The following CHD9 variants were observed in gnomAD, a reference collection of about 807,000 sequenced individuals.
CHD9 encodes the protein ATP-dependent chromatin remodeler CHD9.
In CHD9, 77 loss-of-function variants were observed where a neutral mutation model predicts 316.1. That is an observed-to-expected ratio of 0.24 (90% CI 0.20 to 0.29). The LOEUF (loss-of-function observed/expected upper bound fraction) is 0.29, where lower values mean the gene tolerates loss of function less well. CHD9 is among the 10% of genes least tolerant of loss of function. CHD9 has a pLI of 1.00. For missense variants in CHD9, 2,763 were observed against 3,438.1 expected, an observed-to-expected ratio of 0.80 and a Z score of 4.91; for synonymous variants, 1,129 against 1,158.3, an observed-to-expected ratio of 0.97 and a Z score of 0.51.
intron 2 of CHD9, among the ~76,000 whole-genome samples, chr16:53,171,992 A>G (rs1477802121): frequency 6.6e-6 from 1 of 152,006 alleles, no homozygotes; most frequent in African/African-American, 2.4e-5. Context: ...CTCTATAACC[A>G]TTTACCTATT....
intron 36 of CHD9, among the ~76,000 whole-genome samples, chr16:53,317,532 G>T (rs949270030): frequency 2.0e-5 from 3 of 152,032 alleles, no homozygotes; most frequent in Non-Finnish European, 4.4e-5. Flanking sequence ...TCACTTTGTT[G>T]CCCAGGCTGG....
intron 24 of CHD9, among the ~76,000 whole-genome samples, chr16:53,283,830 G>T (rs1017712666): frequency 6.6e-6 from 1 of 152,030 alleles, no homozygotes; most frequent in African/African-American, 2.4e-5. Context: ...TTCATTTCGA[G>T]TGCTGACAAA....
chr16:53,118,796 T>TC (rs1028484727), intron 1 of CHD9, among the ~76,000 whole-genome samples: 2 of 148,456 alleles, frequency 1.3e-5, no homozygotes, highest in African/African-American at 4.9e-5. Flanking sequence ...TAACTTTCTT[T>TC]TTTTTTTTTT....
In CHD9 at chr16:53,156,390, A is replaced by C. The variant is rs2041521410; in HGVS notation, c.301A>C (p.Asn101His). 1 of 1,613,992 alleles carries C rather than the reference A, an allele frequency of 6.2e-7. No individual in the cohort carries two copies. Among genetic ancestry groups the C allele is most frequent in the Non-Finnish European group, 8.5e-7 (1 of 1,179,880 alleles). Residue 101 changes from asparagine to histidine, a missense_variant, in exon 2 of 39, where the codon AAT becomes CAT. Around this residue, in one of 15 missense-constraint regions of CHD9, gnomAD observed 859 missense variants for 890.4 expected, o/e 0.96. Coordinates refer to ENST00000447540, the MANE Select transcript of CHD9 (RefSeq NM_001308319.2). Reference sequence around the variant, plus strand: ...TGTGTTATCTCCACACTCTCAGTTTAATTGTTCTCCAATCCATCCCCAAAA... The same window carrying C: ...TGTGTTATCTCCACACTCTCAGTTTCATTGTTCTCCAATCCATCCCCAAAA... ...EHVLSPHSQF[N>H]CSPIHPQNQP...
intron 2 of CHD9, among the ~76,000 whole-genome samples, chr16:53,183,150 C>A (rs1273953670): frequency 6.6e-6 from 1 of 152,122 alleles, no homozygotes. Context: ...AATAATGTAG[C>A]TGCGCAAAAA....
At position 53,291,752 on chromosome 16, in the gene CHD9, G is replaced by A. The variant is rs777108317; in HGVS notation, c.5275G>A (p.Val1759Ile). The A allele has an allele frequency of 5.8e-6, 9 of 1,562,052 alleles. No individual in the cohort carries two copies. In the South Asian group the frequency reaches 9.9e-5, roughly 17 times the overall value. Residue 1759 changes from valine (V) to isoleucine (I), a missense_variant, in exon 28 of 39, where the codon GTT (valine) becomes ATT (isoleucine). Coordinates refer to ENST00000447540, the MANE Select transcript of CHD9 (RefSeq NM_001308319.2). Reference protein sequence around the residue: ...EDDVSSPGDLVIADGDGQLME... With the variant: ...EDDVSSPGDLIIADGDGQLME... Reference sequence around the variant, plus strand: ...TGATGTTTCCTCACCAGGAGATCTTGTTATAGCAGATGGAGGTAAATTGCA... The same window carrying A: ...TGATGTTTCCTCACCAGGAGATCTTATTATAGCAGATGGAGGTAAATTGCA...
chr16:53,156,097 A>G lies in CHD9; in HGVS notation c.8A>G (p.Asp3Gly), dbSNP rs1218751574. Reference protein sequence around the residue: MTDPMMDFFDDAN... With the variant: MTGPMMDFFDDAN... ...TGTTACAGAATTTTCAAGATGACAG[A>G]TCCAATGATGGACTTTTTTGATGAT... The change falls in exon 2 of 39, where the codon GAT (aspartate) becomes GGT (glycine). Residue 3 changes from aspartate (D) to glycine (G), a missense_variant. By Grantham distance (94) the Asp-to-Gly change is moderately conservative. Coordinates refer to ENST00000447540, the MANE Select transcript of CHD9 (RefSeq NM_001308319.2). 1 of 1,611,786 alleles carries G rather than the reference A, an allele frequency of 6.2e-7. No homozygotes were observed. Among genetic ancestry groups the G allele is most frequent in the Non-Finnish European group, 8.5e-7 (1 of 1,178,654 alleles).
chr16:53,168,048 CTTTATTTA>C (rs557517155), intron 2 of CHD9, among the ~76,000 whole-genome samples: 17 of 151,314 alleles, frequency 1.1e-4, no homozygotes, highest in African/African-American at 3.9e-4. Context: ...ATAACATTTG[CTTTATTTA>C]TTTATTTATT....
rs562715652 is a variant in CHD9 at position 53,097,779 on chromosome 16, T to C, written c.-165+42702T>C. On this transcript the variant is annotated intron_variant, in intron 1 of 38. Coordinates refer to ENST00000447540, the MANE Select transcript of CHD9 (RefSeq NM_001308319.2). ...ATGAATCAATGAATACTAAATTGAATAGTTAATGAAAATTGACGATATTAT... is the reference window on the plus strand; with the variant it reads ...ATGAATCAATGAATACTAAATTGAACAGTTAATGAAAATTGACGATATTAT... 3.2e-4 allele frequency among the ~76,000 whole-genome samples: 48 copies of C among 152,350 alleles called. 1 individual carries two copies. The South Asian group carries it at 9.7e-3, about 31-fold the overall frequency.
intron 2 of CHD9, among the ~76,000 whole-genome samples, chr16:53,182,669 ACACTT>A (rs1411030845): frequency 3.3e-5 from 5 of 152,160 alleles, no homozygotes; most frequent in Admixed American, 3.3e-4. Flanking sequence ...TTTTAGAAAA[ACACTT>A]CACTAATCAG....
chr16:53,058,175 C>T (rs1596829200), intron 1 of CHD9, among the ~76,000 whole-genome samples: 1 of 152,150 alleles, frequency 6.6e-6, no homozygotes, highest in Admixed American at 6.5e-5. Flanking sequence ...GGCTGGAGTG[C>T]AGTGGCACGA....
chr16:53,069,672 T>C (rs577420820), intron 1 of CHD9, among the ~76,000 whole-genome samples: 1 of 152,368 alleles, frequency 6.6e-6, no homozygotes, highest in East Asian at 1.9e-4. Context: ...ACTTTTTGGC[T>C]ATTGTGAATA....
At chr16:53,154,570 A>C (rs1438385571) in intron 1 of CHD9, among the ~76,000 whole-genome samples, 1 of 152,074 alleles carries the variant, frequency 6.6e-6, no homozygotes, top group East Asian at 1.9e-4. Context: ...TGGTGGATGG[A>C]GGGAGATGAT....
At chr16:53,089,789 C>A (rs548676216) in intron 1 of CHD9, among the ~76,000 whole-genome samples, 1 of 152,178 alleles carries the variant, frequency 6.6e-6, no homozygotes, top group African/African-American at 2.4e-5. Flanking sequence ...GTCAAGGACC[C>A]ATTGTTGATG....
At chr16:53,100,184 C>T (rs2036731283) in intron 1 of CHD9, among the ~76,000 whole-genome samples, 1 of 152,174 alleles carries the variant, frequency 6.6e-6, no homozygotes, top group South Asian at 2.1e-4. Context: ...AGAATGTGAG[C>T]CGAAGAAAAC....
chr16:53,304,034 A>G lies in CHD9; in HGVS notation c.6028A>G (p.Arg2010Gly). The G allele has an allele frequency of 2.5e-6, 4 of 1,614,040 alleles. No homozygotes were observed. The highest frequency in any genetic ancestry group is 2.2e-5 in the East Asian group (1 of 44,886). The change falls in exon 31 of 39, where the codon AGG (arginine) becomes GGG (glycine). Residue 2010 changes from arginine to glycine, a missense_variant. Around this residue, in one of 15 missense-constraint regions of CHD9, gnomAD observed 663 missense variants for 751.2 expected, o/e 0.88. Coordinates refer to ENST00000447540, the MANE Select transcript of CHD9 (RefSeq NM_001308319.2). ...NYSQSKMAHS[R>G]TSTPLLQQYQ... ...CAGTCAAAGTAAGATGGCTCATTCAAGGACTTCTACCCCACTTCTACAGCA... is the reference window on the plus strand; with the variant it reads ...CAGTCAAAGTAAGATGGCTCATTCAGGGACTTCTACCCCACTTCTACAGCA...
At chr16:53,273,592 A>G (rs2052503467) in intron 22 of CHD9, 34 bp from the exon 23 acceptor site, 1 of 1,484,914 alleles carries the variant, frequency 6.7e-7, no homozygotes, top group African/African-American at 1.4e-5. Context: ...TTTTATACAA[A>G]TTATTCCTAA....
At chr16:53,082,990 G>C (rs373682340) in intron 1 of CHD9, among the ~76,000 whole-genome samples, 244 of 152,288 alleles carry the variant, frequency 1.6e-3, no homozygotes, top group African/African-American at 5.7e-3. Context: ...TGAGGACTAT[G>C]ATTGTGTCTT....
intron 25 of CHD9, 49 bp from the exon 26 acceptor site, chr16:53,286,177 C>G: frequency 9.3e-7 from 1 of 1,070,656 alleles, no homozygotes; most frequent in Non-Finnish European, 1.4e-6. Context: ...TATGTATACA[C>G]CTTTCTTCTT....
Sources: gnomAD v4.1 joint callset for allele counts (sites outside exome capture counted in the v4.1 genomes callset) on GRCh38, gnomAD v4.1.1 for gene constraint, gnomAD v4.1.1 regional missense constraint, MANE v1.5 for transcripts, NCBI Gene and HGNC (gene_info 2026-07-23, HGNC 2026-07-21) for gene names.